HIVEP3: variants seen among roughly 807,000 people sequenced by gnomAD.
HIVEP3 encodes transcription factor HIVEP3.
HIVEP3 carries 49 observed loss-of-function variants against 152.8 expected under a neutral mutation model. The observed-to-expected ratio is 0.32, with a 90% CI of 0.26 to 0.41. The LOEUF (loss-of-function observed/expected upper bound fraction) is 0.41. Ranked by LOEUF, HIVEP3 falls within the 10% of genes least tolerant of loss-of-function variation. HIVEP3 has a pLI of 1.00. For missense variants in HIVEP3, 2,790 were observed against 3,103.3 expected (o/e 0.90, Z 2.40); for synonymous variants, 1,269 against 1,289.0 (o/e 0.98, Z 0.33).
rs140228515 is a variant in HIVEP3, at chr1:41,850,948, T to C, written c.-801+67465A>G. Among the ~76,000 whole-genome samples the C allele has an allele frequency of 1.3e-4, 20 of 152,322 alleles. No individual in the cohort carries two copies. In the East Asian group the frequency reaches 3.9e-3, roughly 29 times the overall value. ...GAAAACTGCTGCCCCAGTTTTCTCA[T>C]GTCAGGCTCCTTCTGTATGTTTCCT... On this transcript the variant is annotated intron_variant, in intron 1 of 8. Transcript: ENST00000372583.
intron 5 of HIVEP3, among the ~76,000 whole-genome samples, chr1:41,550,059 T>A (rs1166793834): frequency 2.0e-5 from 3 of 152,208 alleles, no homozygotes; most frequent in Non-Finnish European, 4.4e-5. Flanking sequence ...GTATAAGGTG[T>A]AAGGAAGGGA....
chr1:41,717,056 C>T (rs1490582524), intron 1 of HIVEP3, among the ~76,000 whole-genome samples: 2 of 152,130 alleles, frequency 1.3e-5, no homozygotes, highest in South Asian at 4.1e-4. Context: ...TGCCCTGTGT[C>T]CTGCTCTGAG....
chr1:41,919,360 C>G (rs11210547), upstream of HIVEP3, among the ~76,000 whole-genome samples: 89,066 of 151,954 alleles, frequency 0.59, 26,604 homozygotes, highest in East Asian at 0.71. Flanking sequence ...CTCAACAGTG[C>G]CTGAAGGGAG....
chr1:41,682,098 G>T (rs1275635242), intron 2 of HIVEP3, among the ~76,000 whole-genome samples: 1 of 152,056 alleles, frequency 6.6e-6, no homozygotes, highest in Non-Finnish European at 1.5e-5. Context: ...TCCTCTCTGT[G>T]GTCTCTTTCT....
At chr1:41,741,654 C>T (rs1646998103) in intron 1 of HIVEP3, among the ~76,000 whole-genome samples, 1 of 152,246 alleles carries the variant, frequency 6.6e-6, no homozygotes, top group South Asian at 2.1e-4. Flanking sequence ...GATCTGCTGC[C>T]TAAAGAAGTG....
At chr1:41,835,276 A>T (rs954886196) in intron 1 of HIVEP3, among the ~76,000 whole-genome samples, 1 of 152,190 alleles carries the variant, frequency 6.6e-6, no homozygotes, top group African/African-American at 2.4e-5. Context: ...TGGAGGCTAC[A>T]AGTCCAAGAT....
At chr1:41,878,588 C>T (rs770095380) in intron 1 of HIVEP3, among the ~76,000 whole-genome samples, 6 of 152,142 alleles carry the variant, frequency 3.9e-5, no homozygotes, top group Non-Finnish European at 7.4e-5. Context: ...ACTCACATCA[C>T]GGGATCTAAA....
chr1:41,537,871 A>G (rs1333076980), intron 5 of HIVEP3, among the ~76,000 whole-genome samples: 1 of 152,232 alleles, frequency 6.6e-6, no homozygotes, highest in Non-Finnish European at 1.5e-5. Flanking sequence ...CACAGAGCCC[A>G]CCAGCACAGT....
chr1:41,891,811 C>T (rs373839703), intron 1 of HIVEP3, among the ~76,000 whole-genome samples: 2 of 152,312 alleles, frequency 1.3e-5, no homozygotes, highest in East Asian at 3.9e-4. Context: ...CTTCTTTCTC[C>T]TACAGTCACT....
intron 1 of HIVEP3, among the ~76,000 whole-genome samples, chr1:41,757,548 A>G (rs1647392991): frequency 6.6e-6 from 1 of 152,172 alleles, no homozygotes; most frequent in South Asian, 2.1e-4. Flanking sequence ...TGGGCAACAG[A>G]TTGAGACTGT....
At chr1:41,849,644 G>A (rs1018596400) in intron 1 of HIVEP3, among the ~76,000 whole-genome samples, 3 of 151,790 alleles carry the variant, frequency 2.0e-5, no homozygotes, top group Non-Finnish European at 4.4e-5. Flanking sequence ...ACTACTTGCT[G>A]TGACCATGAC....
chr1:41,790,794 A>G (rs1275937784), intron 1 of HIVEP3, among the ~76,000 whole-genome samples: 1 of 151,998 alleles, frequency 6.6e-6, no homozygotes, highest in Non-Finnish European at 1.5e-5. Context: ...CCTTCCCATC[A>G]AGCCAACTTT....
intron 5 of HIVEP3, among the ~76,000 whole-genome samples, chr1:41,526,478 T>C (rs1366095319): frequency 1.4e-5 from 1 of 69,436 alleles, no homozygotes; most frequent in African/African-American, 5.8e-5. Flanking sequence ...ACACTCACCT[T>C]CACACTCACC....
intron 5 of HIVEP3, among the ~76,000 whole-genome samples, chr1:41,528,117 C>T (rs1392411063): frequency 1.5e-5 from 2 of 134,904 alleles, no homozygotes; most frequent in Admixed American, 7.3e-5. Context: ...ACCCTCACAC[C>T]CTTACCCTCA....
chr1:41,783,213 C>T (rs149075702), intron 1 of HIVEP3, among the ~76,000 whole-genome samples: 2,249 of 152,198 alleles, frequency 0.015, 23 homozygotes, highest in Non-Finnish European at 0.019. Context: ...GAAGCTGGCA[C>T]GGACTAGATT....
chr1:41,915,909 C>T (rs987698243), intron 1 of HIVEP3, among the ~76,000 whole-genome samples: 2 of 152,130 alleles, frequency 1.3e-5, no homozygotes, highest in Non-Finnish European at 2.9e-5. Flanking sequence ...TTTGTAAATA[C>T]ACTTTGACTC....
chr1:41,819,177 T>A (rs1233435254), intron 1 of HIVEP3, among the ~76,000 whole-genome samples: 4 of 152,194 alleles, frequency 2.6e-5, no homozygotes, highest in Admixed American at 2.6e-4. Flanking sequence ...TGTGTGTGTA[T>A]GTGTGTGTTG....
At chr1:41,794,638 A>G (rs756808364) in intron 1 of HIVEP3, among the ~76,000 whole-genome samples, 1 of 152,240 alleles carries the variant, frequency 6.6e-6, no homozygotes, top group Non-Finnish European at 1.5e-5. Flanking sequence ...TTATTTTTAA[A>G]AACTGCCATT....
At chr1:41,711,725 G>C (rs1362540625) in intron 1 of HIVEP3, among the ~76,000 whole-genome samples, 1 of 152,194 alleles carries the variant, frequency 6.6e-6, no homozygotes, top group East Asian at 1.9e-4. Flanking sequence ...CCCGATGCCA[G>C]AGACAGGCTC....
Sources: allele counts gnomAD v4.1 joint callset (sites outside exome capture counted in the v4.1 genomes callset), GRCh38; gene constraint gnomAD v4.1.1; transcripts MANE v1.5; gene names NCBI Gene and HGNC (gene_info 2026-07-23, HGNC 2026-07-21).